CCDC171: variants seen among roughly 807,000 people sequenced by gnomAD.
CCDC171 encodes coiled-coil domain containing 171, also known as coiled-coil domain-containing protein 171.
In CCDC171, 177 loss-of-function variants were observed where a neutral mutation model predicts 168.2. The ratio of observed to expected loss-of-function variants is 1.05; its 90% CI spans 0.93 to 1.19. The LOEUF (loss-of-function observed/expected upper bound fraction) is 1.19. Among genes scored for constraint, CCDC171 ranks in the 50% most tolerant of loss-of-function variants. The pLI is 0.00. For synonymous variants in CCDC171, 687 were observed against 540.8 expected, an observed-to-expected ratio of 1.27 and a Z score of -3.75; for missense variants, 1,991 against 1,539.0, an observed-to-expected ratio of 1.29 and a Z score of -4.91.
At chr9:15,688,829 A>C (rs1468543691) in intron 10 of CCDC171, among the ~76,000 whole-genome samples, 1 of 152,228 alleles carries the variant, frequency 6.6e-6, no homozygotes, top group Non-Finnish European at 1.5e-5. Flanking sequence ...TGTCTGTTCA[A>C]CATTTTACTG....
chr9:15,602,135 G>C (rs2042904399), intron 6 of CCDC171, among the ~76,000 whole-genome samples: 1 of 152,030 alleles, frequency 6.6e-6, no homozygotes, highest in South Asian at 2.1e-4. Flanking sequence ...TTAGAACTCT[G>C]TTTCTCAATT....
At chr9:15,907,438 G>A (rs1190158373) in intron 24 of CCDC171, among the ~76,000 whole-genome samples, 3 of 152,182 alleles carry the variant, frequency 2.0e-5, no homozygotes, top group African/African-American at 7.2e-5. Context: ...ATGGTGCTTG[G>A]AAAACTGGCT....
chr9:16,012,908 C>T (rs189944851), intron 3 of CCDC171, among the ~76,000 whole-genome samples: 2 of 152,266 alleles, frequency 1.3e-5, no homozygotes, highest in East Asian at 3.9e-4. Flanking sequence ...CTCCTAAATG[C>T]TTAAACGTAT....
rs150942855 is a variant in CCDC171, at chr9:15,639,386, G to T, written c.822+15973G>T. Reference sequence around the variant, plus strand: ...GTAAATACTCAAGTTTTTTTTGCCAGAAAAGGTAGAGATAATTTTTAAAGA... The same window carrying T: ...GTAAATACTCAAGTTTTTTTTGCCATAAAAGGTAGAGATAATTTTTAAAGA... On this transcript the variant is annotated intron_variant, in intron 7 of 25. Coordinates refer to ENST00000380701, the MANE Select transcript of CCDC171 (RefSeq NM_173550.4). Among the ~76,000 whole-genome samples the T allele has an allele frequency of 2.4e-3, 360 of 152,006 alleles. 2 individuals carry two copies. Among genetic ancestry groups the T allele is most frequent in the Non-Finnish European group, 4.5e-3 (303 of 67,886 alleles).
intron 25 of CCDC171, among the ~76,000 whole-genome samples, chr9:15,936,372 A>G (rs1363855400): frequency 6.6e-6 from 1 of 152,010 alleles, no homozygotes; most frequent in Non-Finnish European, 1.5e-5. Context: ...TTAAGAGTTG[A>G]CATCCTGTGT....
chr9:15,636,835 G>A (rs1049189078), intron 7 of CCDC171, among the ~76,000 whole-genome samples: 1 of 151,216 alleles, frequency 6.6e-6, no homozygotes, highest in African/African-American at 2.4e-5. Flanking sequence ...AGTCACTTAA[G>A]GATGCTAGAA....
chr9:16,046,985 G>A (rs10962263), intron 1 of CCDC171, among the ~76,000 whole-genome samples: 25,189 of 152,020 alleles, frequency 0.17, 2,184 homozygotes, highest in African/African-American at 0.18. Context: ...TCAAGTCCCC[G>A]TAGCTGGGTC....
intron 8 of CCDC171, among the ~76,000 whole-genome samples, chr9:16,037,125 A>C (rs1410450): frequency 0.37 from 56,527 of 152,104 alleles, 12,372 homozygotes; most frequent in East Asian, 0.63. Context: ...ATATTTTTCA[A>C]ATAGCTAGAA....
intron 23 of CCDC171, among the ~76,000 whole-genome samples, chr9:15,861,482 G>A (rs1363782862): frequency 6.6e-6 from 1 of 150,966 alleles, no homozygotes; most frequent in Non-Finnish European, 1.5e-5. Context: ...GATTTTTTTT[G>A]TATTGATAAA....
chr9:15,641,870 G>T (rs972198044), intron 7 of CCDC171, among the ~76,000 whole-genome samples: 4 of 152,164 alleles, frequency 2.6e-5, no homozygotes, highest in African/African-American at 9.7e-5. Flanking sequence ...GTTACATACA[G>T]AACTGTTGTT....
intron 24 of CCDC171, chr9:15,883,133 A>G (rs1329482509): frequency 5.0e-6 from 2 of 398,748 alleles, no homozygotes; most frequent in East Asian, 1.0e-4. Context: ...GGCTCAAGCA[A>G]TCTTCCTGCC....
intron 18 of CCDC171, among the ~76,000 whole-genome samples, chr9:15,764,368 C>T (rs969950156): frequency 6.6e-6 from 1 of 152,134 alleles, no homozygotes; most frequent in African/African-American, 2.4e-5. Context: ...GTGCAGTGTT[C>T]TAAGATGAGG....
chr9:15,905,712 C>CA (rs1290436405), intron 24 of CCDC171, among the ~76,000 whole-genome samples: 15 of 152,154 alleles, frequency 9.9e-5, no homozygotes, highest in Non-Finnish European at 1.5e-4. Context: ...AAAAACCCTT[C>CA]AAAAAATCAA....
At chr9:15,838,463 C>T (rs967223123) in intron 21 of CCDC171, among the ~76,000 whole-genome samples, 1 of 152,200 alleles carries the variant, frequency 6.6e-6, no homozygotes, top group Non-Finnish European at 1.5e-5. Context: ...GCCTAGAATC[C>T]TTCAGAAGCT....
chr9:15,935,486 C>T (rs1827004107), intron 25 of CCDC171, among the ~76,000 whole-genome samples: 2 of 152,070 alleles, frequency 1.3e-5, no homozygotes, highest in South Asian at 2.1e-4. Flanking sequence ...AAGAGTCTAA[C>T]TATGTTTTGT....
chr9:15,977,869 A>T (rs769166696), downstream of CCDC171, among the ~76,000 whole-genome samples: 2 of 152,218 alleles, frequency 1.3e-5, no homozygotes, highest in Non-Finnish European at 2.9e-5. Context: ...TCTATATAAG[A>T]GGAAAATCTT....
At chr9:15,671,132 A>G (rs1413888401) in intron 9 of CCDC171, among the ~76,000 whole-genome samples, 2 of 152,182 alleles carry the variant, frequency 1.3e-5, no homozygotes, top group Non-Finnish European at 2.9e-5. Flanking sequence ...GAATCAACAG[A>G]TGAGAATAGT....
intron 6 of CCDC171, among the ~76,000 whole-genome samples, chr9:15,622,992 G>A (rs1026419117): frequency 1.1e-4 from 17 of 152,110 alleles, no homozygotes; most frequent in African/African-American, 4.1e-4. Flanking sequence ...ACCTTCAGAG[G>A]TCAGTTAAAC....
chr9:16,089,720 A>T, the CCDC171 span, among the ~76,000 whole-genome samples: 81 of 152,032 alleles, frequency 5.3e-4, 1 homozygote, highest in East Asian at 0.015. Flanking sequence ...TCTACAAAGA[A>T]CTTAAACAAA....
Sources: allele counts gnomAD v4.1 joint callset (sites outside exome capture counted in the v4.1 genomes callset), GRCh38; gene constraint gnomAD v4.1.1; transcripts MANE v1.5; gene names NCBI Gene and HGNC (gene_info 2026-07-23, HGNC 2026-07-21).